Variants in PCDH9 observed in about 807,000 individuals in gnomAD.
PCDH9 encodes the protein protocadherin-9.
Under a neutral mutation model 70.6 loss-of-function variants are expected in PCDH9, and 24 were observed. That is an observed-to-expected ratio of 0.34 (90% confidence interval 0.25 to 0.48). The LOEUF is 0.48. PCDH9 is among the 20% of genes least tolerant of loss of function. The pLI, the probability that PCDH9 is intolerant of heterozygous loss-of-function variation, is 0.99. For missense variants in PCDH9, 1,281 were observed against 1,503.6 expected, an observed-to-expected ratio of 0.85 and a Z score of 2.45; for synonymous variants, 562 against 558.5, an observed-to-expected ratio of 1.01 and a Z score of -0.09.
chr13:67,060,870 G>A (rs1044192387), intron 2 of PCDH9, among the ~76,000 whole-genome samples: 1 of 151,980 alleles, frequency 6.6e-6, no homozygotes, highest in African/African-American at 2.4e-5. Flanking sequence ...CTCTTTAAAG[G>A]CTTCCTTTAA....
intron 4 of PCDH9, among the ~76,000 whole-genome samples, chr13:66,359,088 G>A (rs1049738118): frequency 6.6e-6 from 1 of 151,962 alleles, no homozygotes; most frequent in African/African-American, 2.4e-5. Flanking sequence ...TAAGAGTAAG[G>A]TGAAACATAG....
At chr13:66,461,366 C>G (rs191354056) in intron 4 of PCDH9, among the ~76,000 whole-genome samples, 1 of 151,632 alleles carries the variant, frequency 6.6e-6, no homozygotes, top group East Asian at 1.9e-4. Context: ...CATTTCTATT[C>G]TCAGACTTCA....
At chr13:66,538,770 CT>C (rs1284688516) in intron 4 of PCDH9, among the ~76,000 whole-genome samples, 2 of 151,892 alleles carry the variant, frequency 1.3e-5, no homozygotes, top group Non-Finnish European at 2.9e-5. Flanking sequence ...GTACTTTGGC[CT>C]AGCCAATTGA....
At chr13:66,841,423 T>C (rs1452144387) in intron 3 of PCDH9, among the ~76,000 whole-genome samples, 3 of 152,212 alleles carry the variant, frequency 2.0e-5, no homozygotes, top group Admixed American at 2.0e-4. Flanking sequence ...TAATATGCTA[T>C]TGAAAATAAA....
At chr13:66,360,602 C>A (rs1170545303) in intron 4 of PCDH9, among the ~76,000 whole-genome samples, 1 of 152,014 alleles carries the variant, frequency 6.6e-6, no homozygotes, top group Non-Finnish European at 1.5e-5. Context: ...TGCTGGAATT[C>A]AAATTTTCTA....
chr13:66,874,545 A>C (rs1354810574), intron 3 of PCDH9, among the ~76,000 whole-genome samples: 3 of 152,142 alleles, frequency 2.0e-5, no homozygotes, highest in African/African-American at 7.2e-5. Context: ...GCAGGGCAGC[A>C]CTGTGCCCCC....
At chr13:67,162,813 C>T (rs913853811) in intron 2 of PCDH9, among the ~76,000 whole-genome samples, 9 of 150,894 alleles carry the variant, frequency 6.0e-5, no homozygotes, top group African/African-American at 2.2e-4. Context: ...TATACAAGTG[C>T]CTGCACTGTA....
At chr13:66,640,517 G>A (rs980158142) in intron 3 of PCDH9, among the ~76,000 whole-genome samples, 9 of 131,996 alleles carry the variant, frequency 6.8e-5, no homozygotes, top group African/African-American at 1.4e-4. Context: ...AAACAGTCAC[G>A]CACCCATGCA....
Position 66,979,352 on chromosome 13 carries a change from T to A in PCDH9, c.3037-75747A>T, listed in dbSNP as rs909258841. ...TGAGAAAATAAAAGACATTTGAAACTCCTTCATATTTTATCCAAAGTCTGT... is the reference window on the plus strand; with the variant it reads ...TGAGAAAATAAAAGACATTTGAAACACCTTCATATTTTATCCAAAGTCTGT... On this transcript the variant is annotated intron_variant, in intron 2 of 4. Coordinates refer to ENST00000377865, the MANE Select transcript of PCDH9 (RefSeq NM_203487.3). 1.3e-4 allele frequency among the ~76,000 whole-genome samples: 20 copies of A among 152,288 alleles called. No individual in the cohort carries two copies. In the East Asian group the frequency reaches 1.3e-3, roughly 10 times the overall value.
intron 3 of PCDH9, among the ~76,000 whole-genome samples, chr13:66,837,899 T>C (rs996324866): frequency 1.3e-5 from 2 of 151,994 alleles, no homozygotes; most frequent in South Asian, 4.2e-4. Context: ...GGTTTCTTCC[T>C]CTCCCATTTC....
intron 3 of PCDH9, among the ~76,000 whole-genome samples, chr13:66,675,836 T>C (rs2139048042): frequency 6.6e-6 from 1 of 152,314 alleles, no homozygotes; most frequent in Non-Finnish European, 1.5e-5. Context: ...AATCTTGCTC[T>C]TGTGCAAGTC....
chr13:66,937,778 C>G (rs766088346), intron 2 of PCDH9, among the ~76,000 whole-genome samples: 6 of 152,000 alleles, frequency 3.9e-5, no homozygotes, highest in Non-Finnish European at 8.8e-5. Flanking sequence ...ACCAATCTCA[C>G]TGTTTCTGTA....
chr13:67,083,885 C>G (rs1052564615), intron 2 of PCDH9, among the ~76,000 whole-genome samples: 1 of 152,130 alleles, frequency 6.6e-6, no homozygotes, highest in African/African-American at 2.4e-5. Flanking sequence ...TTTTAATTTT[C>G]CAGCCCATGA....
intron 2 of PCDH9, among the ~76,000 whole-genome samples, chr13:66,923,867 AAC>A (rs1221581787): frequency 6.6e-6 from 1 of 151,786 alleles, no homozygotes. Context: ...ACTAACTATA[AAC>A]TATTTTATGA....
At chr13:67,201,026 T>C (rs1201162411) in intron 2 of PCDH9, 1 of 152,100 alleles carries the variant, frequency 6.6e-6, no homozygotes, top group African/African-American at 2.4e-5. Flanking sequence ...ACAAAACAAT[T>C]TCTGAAACTT....
intron 3 of PCDH9, among the ~76,000 whole-genome samples, chr13:66,726,001 C>G (rs1241962713): frequency 6.6e-6 from 1 of 152,160 alleles, no homozygotes; most frequent in Non-Finnish European, 1.5e-5. Flanking sequence ...ATCACAATTA[C>G]TTTTGCATCA....
intron 4 of PCDH9, among the ~76,000 whole-genome samples, chr13:66,377,820 A>G (rs1384096824): frequency 6.6e-6 from 1 of 152,198 alleles, no homozygotes; most frequent in African/African-American, 2.4e-5. Flanking sequence ...TCTTGCTGTC[A>G]ACCCTGTGTT....
intron 3 of PCDH9, among the ~76,000 whole-genome samples, chr13:66,691,637 T>C (rs960919650): frequency 5.9e-5 from 9 of 152,120 alleles, no homozygotes; most frequent in Admixed American, 4.6e-4. Context: ...TGTCCTGATA[T>C]CTCAGAAGAA....
chr13:67,162,767 G>C (rs1367133343), intron 2 of PCDH9, among the ~76,000 whole-genome samples: 3 of 151,776 alleles, frequency 2.0e-5, no homozygotes, highest in Admixed American at 2.0e-4. Flanking sequence ...TACTATTTAA[G>C]TAATAATGTA....
Sources: allele counts gnomAD v4.1 joint callset (sites outside exome capture counted in the v4.1 genomes callset), GRCh38; gene constraint gnomAD v4.1.1; transcripts MANE v1.5; gene names NCBI Gene and HGNC (gene_info 2026-07-23, HGNC 2026-07-21).